COPG1: variants seen among roughly 807,000 people sequenced by gnomAD.
COPG1 encodes coatomer subunit gamma-1.
Under a neutral mutation model 102.8 loss-of-function variants are expected in COPG1, and 29 were observed. The observed-to-expected ratio is 0.28, with a 90% CI of 0.21 to 0.38. The LOEUF (loss-of-function observed/expected upper bound fraction) is 0.38, where lower values mean the gene tolerates loss of function less well. COPG1 is among the 10% of genes least tolerant of loss of function. The probability of loss-of-function intolerance (pLI) is 1.00; values close to 1 mark genes in which losing one functional copy is unlikely to be tolerated. For missense variants in COPG1, 875 were observed against 1,132.7 expected (o/e 0.77, Z 3.27); for synonymous variants, 406 against 421.6 (o/e 0.96, Z 0.45).
Position 129,249,693 on chromosome 3 carries a change from G to A in COPG1, c.-17G>A, listed in dbSNP as rs761672830. 36 of 1,551,088 alleles carry A rather than the reference G, an allele frequency of 2.3e-5. No homozygotes were observed. Among genetic ancestry groups the A allele is most frequent in the Middle Eastern group, 3.5e-4 (2 of 5,776 alleles). On this transcript the variant is annotated 5_prime_UTR_variant, in exon 1 of 24. Transcript: ENST00000314797. ...GTCGAGCATTGCGTTGCTGCATTGCGCCCCACCGACTCCACTATGTTGAAG... is the reference window on the plus strand; with the variant it reads ...GTCGAGCATTGCGTTGCTGCATTGCACCCCACCGACTCCACTATGTTGAAG...
intron 11 of COPG1, 73 bp downstream of exon 11, chr3:129,260,473 C>A: frequency 1.3e-6 from 2 of 1,543,176 alleles, no homozygotes; most frequent in Non-Finnish European, 1.8e-6. Flanking sequence ...TCTGACCTGG[C>A]TGGGAAGGAT....
At chr3:129,273,105 C>T (rs1361931103) in intron 21 of COPG1, among the ~76,000 whole-genome samples, 6 of 152,186 alleles carry the variant, frequency 3.9e-5, no homozygotes, top group Admixed American at 2.0e-4. Context: ...TCACTGCAAC[C>T]TCTGTCTCCC....
intron 18 of COPG1, among the ~76,000 whole-genome samples, 199 bp downstream of exon 18, chr3:129,269,199 A>C (rs1940143185): frequency 6.6e-6 from 1 of 152,092 alleles, no homozygotes; most frequent in Admixed American, 6.6e-5. Flanking sequence ...AGAGAGAGAA[A>C]GTAGTAGGAG....
chr3:129,251,325 A>G (rs1201351472), intron 2 of COPG1, among the ~76,000 whole-genome samples: 1 of 150,802 alleles, frequency 6.6e-6, no homozygotes, highest in Non-Finnish European at 1.5e-5. Flanking sequence ...GCCATTATGC[A>G]GGTAGAGATT....
intron 5 of COPG1, 61 bp from the exon 6 acceptor site, chr3:129,254,607 G>A: frequency 7.8e-7 from 1 of 1,285,730 alleles, no homozygotes. Flanking sequence ...GGTGTTGGGA[G>A]CTGGAGAGGA....
chr3:129,268,847 T>A, intron 17 of COPG1, 85 bp from the exon 18 acceptor site: 1 of 1,311,614 alleles, frequency 7.6e-7, no homozygotes, highest in Non-Finnish European at 1.1e-6. Flanking sequence ...GTATTTATAA[T>A]CCCTGAGTAA....
At position 129,277,565 on chromosome 3, in the gene COPG1, T is replaced by G; in HGVS notation, c.*141T>G. On this transcript the variant is annotated 3_prime_UTR_variant, in exon 24 of 24. Transcript: ENST00000314797. ...AATCATTGCAGATTTTTTTTTATTC[T>G]GCTCCCACCTCCCACCCGGGACTAC... 1 of 825,688 alleles carries G rather than the reference T, an allele frequency of 1.2e-6. No individual in the cohort carries two copies. The highest frequency in any genetic ancestry group is 1.8e-6 in the Non-Finnish European group (1 of 553,102). The allele number at this position is 825,688 out of a possible 1,614,324, so 51.1% of individuals were successfully genotyped here.
At position 129,252,386 on chromosome 3, in the gene COPG1, G is replaced by T. The variant is rs780109873; in HGVS notation, c.171+25G>T. 5.9e-6 allele frequency: 9 copies of T among 1,517,464 alleles called. No individual in the cohort carries two copies. The South Asian group carries it at 1.0e-4, about 17-fold the overall frequency. 94.0% of individuals were successfully genotyped at this position (1,517,464 alleles called of 1,614,324 possible). A position where few individuals can be genotyped will look rare whatever the true frequency, so the allele number is the denominator to read the frequency against. On this transcript the variant is annotated intron_variant, in intron 3 of 23. Coordinates refer to ENST00000314797, the MANE Select transcript of COPG1 (RefSeq NM_016128.4). Reference sequence around the variant, plus strand: ...GGTAACAGGGTGAAGCTTGCGGGTAGGGAGAATGGTGCTGGGGGATTGGAG... The same window carrying T: ...GGTAACAGGGTGAAGCTTGCGGGTATGGAGAATGGTGCTGGGGGATTGGAG...
chr3:129,261,058 T>C (rs1215731638), intron 12 of COPG1, among the ~76,000 whole-genome samples: 1 of 152,244 alleles, frequency 6.6e-6, no homozygotes, highest in Non-Finnish European at 1.5e-5. Flanking sequence ...TAAGGGTTCA[T>C]TGATTTGTTG....
rs1380531407 is a variant in COPG1, at chr3:129,277,641, T to A, written c.*217T>A. On this transcript the variant is annotated 3_prime_UTR_variant, in exon 24 of 24. Transcript: ENST00000314797. Reference sequence around the variant, plus strand: ...TTTTTAAATAGGGGATGATTTTAGCTTGTCCTAAATCTTGCTGTCCACCCT... The same window carrying A: ...TTTTTAAATAGGGGATGATTTTAGCATGTCCTAAATCTTGCTGTCCACCCT... The A allele has an allele frequency of 8.5e-6, 4 of 470,614 alleles. No individual in the cohort carries two copies. In the Admixed American group the frequency reaches 1.0e-4, roughly 12 times the overall value. The allele number at this position is 470,614 out of a possible 1,614,324, so 29.2% of individuals were successfully genotyped here.
At chr3:129,255,166 T>A in intron 7 of COPG1, 89 bp downstream of exon 7, 1 of 829,772 alleles carries the variant, frequency 1.2e-6, no homozygotes, top group Non-Finnish European at 1.9e-6. Flanking sequence ...AAAAAGAAAG[T>A]GTTTCTTTCT....
chr3:129,266,282 C>A (rs1325785462), intron 14 of COPG1, among the ~76,000 whole-genome samples: 1 of 151,862 alleles, frequency 6.6e-6, no homozygotes, highest in Non-Finnish European at 1.5e-5. Context: ...TGGTTCTTAA[C>A]CCCTATAATT....
intron 16 of COPG1, 82 bp from the exon 17 acceptor site, chr3:129,268,413 C>G: frequency 6.8e-7 from 1 of 1,475,142 alleles, no homozygotes; most frequent in Non-Finnish European, 9.2e-7. Context: ...CTTGTAACTT[C>G]GGGACCCCAG....
chr3:129,256,009 C>G, intron 7 of COPG1, 59 bp from the exon 8 acceptor site: 1 of 1,479,946 alleles, frequency 6.8e-7, no homozygotes. Flanking sequence ...AGAACTGGGC[C>G]CAGAATGTGT....
chr3:129,266,271 A>G (rs1940058346), intron 14 of COPG1, among the ~76,000 whole-genome samples: 1 of 151,996 alleles, frequency 6.6e-6, no homozygotes, highest in African/African-American at 2.4e-5. Context: ...GTGCTCGGCC[A>G]TGGTTCTTAA....
At chr3:129,268,710 TGG>T in intron 17 of COPG1, 90 bp downstream of exon 17, 3 of 1,469,684 alleles carry the variant, frequency 2.0e-6, no homozygotes, top group Non-Finnish European at 1.9e-6. Context: ...CTAACTAGGG[TGG>T]GTGGCAGTTA....
intron 14 of COPG1, 40 bp downstream of exon 14, chr3:129,265,832 C>A: frequency 1.3e-6 from 2 of 1,597,348 alleles, no homozygotes; most frequent in East Asian, 2.2e-5. Context: ...ACTTAGCTTA[C>A]CCTTGAATAA....
Position 129,277,507 on chromosome 3 carries a change from C to A in COPG1, c.*83C>A. ...TTCCTCATGAAACTGGCAGAAACCC[C>A]TTCCCAAGCTTCTGTATTGAAAAAC... On this transcript the variant is annotated 3_prime_UTR_variant, in exon 24 of 24. Transcript: ENST00000314797. The A allele has an allele frequency of 7.1e-7, 1 of 1,414,598 alleles. No homozygotes were observed. Among genetic ancestry groups the A allele is most frequent in the Non-Finnish European group, 9.8e-7 (1 of 1,024,960 alleles). The allele number at this position is 1,414,598 out of a possible 1,614,324, so 87.6% of individuals were successfully genotyped here. A position where few individuals can be genotyped will look rare whatever the true frequency, so the allele number is the denominator to read the frequency against.
intron 5 of COPG1, chr3:129,254,390 T>C: frequency 2.5e-6 from 1 of 392,228 alleles, no homozygotes; most frequent in Non-Finnish European, 4.6e-6. Flanking sequence ...GGAGTGAGCA[T>C]AGCCAGTTAG....
Sources: allele counts gnomAD v4.1 joint callset (sites outside exome capture counted in the v4.1 genomes callset), GRCh38; gene constraint gnomAD v4.1.1; transcripts MANE v1.5; gene names NCBI Gene and HGNC (gene_info 2026-07-23, HGNC 2026-07-21).